NRG1: variants seen among roughly 807,000 people sequenced by gnomAD.
NRG1 encodes the protein neuregulin 1.
Under a neutral mutation model 63.8 loss-of-function variants are expected in NRG1, and 18 were observed. The observed-to-expected ratio is 0.28, with a 90% CI of 0.19 to 0.42. The LOEUF (loss-of-function observed/expected upper bound fraction) is 0.42, where lower values mean the gene tolerates loss of function less well. Ranked by LOEUF, NRG1 falls within the 10% of genes least tolerant of loss-of-function variation. The probability of loss-of-function intolerance (pLI) is 1.00; values close to 1 mark genes in which losing one functional copy is unlikely to be tolerated. For missense variants in NRG1, 762 were observed against 814.7 expected (o/e 0.94, Z 0.79); for synonymous variants, 302 against 301.3 (o/e 1.00, Z -0.02).
intron 1 of NRG1, among the ~76,000 whole-genome samples, chr8:32,509,129 G>T (rs1828887768): frequency 6.6e-6 from 1 of 150,938 alleles, no homozygotes; most frequent in Non-Finnish European, 1.5e-5. Flanking sequence ...TTGCGACAGG[G>T]TCTGGCTCTG....
chr8:32,482,903 G>C (rs1825481689), intron 1 of NRG1, among the ~76,000 whole-genome samples: 1 of 152,184 alleles, frequency 6.6e-6, no homozygotes, highest in African/African-American at 2.4e-5. Flanking sequence ...TTGATGTTAG[G>C]GAACAACCCC....
intron 1 of NRG1, among the ~76,000 whole-genome samples, chr8:32,029,839 C>A (rs1257231303): frequency 1.1e-5 from 1 of 89,422 alleles, no homozygotes; most frequent in Non-Finnish European, 2.7e-5. Flanking sequence ...ATTATGAATG[C>A]TGGTTTGTAA....
chr8:32,520,994 G>A (rs73579880), intron 1 of NRG1, among the ~76,000 whole-genome samples: 5,801 of 152,196 alleles, frequency 0.038, 151 homozygotes, highest in African/African-American at 0.074. Flanking sequence ...TAGCCCCAAA[G>A]TACAAGAGTA....
At chr8:32,595,894 G>C in exon 2 of NRG1, 4 of 1,613,662 alleles carry the variant, frequency 2.5e-6, no homozygotes, top group Non-Finnish European at 3.4e-6. Context: ...CTAGTCCTTC[G>C]GTGTGAAACC....
intron 1 of NRG1, among the ~76,000 whole-genome samples, chr8:32,021,948 C>T (rs569644442): frequency 6.6e-6 from 1 of 152,042 alleles, no homozygotes; most frequent in African/African-American, 2.4e-5. Flanking sequence ...CCATAGTTAT[C>T]AATGGCAATT....
At chr8:31,934,204 GT>G (rs1835097994) in intron 1 of NRG1, among the ~76,000 whole-genome samples, 1 of 152,046 alleles carries the variant, frequency 6.6e-6, no homozygotes, top group Admixed American at 6.5e-5. Flanking sequence ...TGTTGAATAA[GT>G]TGCAAAGTTG....
intron 1 of NRG1, among the ~76,000 whole-genome samples, chr8:31,981,455 A>G (rs909182097): frequency 1.8e-4 from 28 of 152,058 alleles, no homozygotes; most frequent in African/African-American, 6.5e-4. Flanking sequence ...ACAAAAACAA[A>G]GGAAACAACA....
intron 1 of NRG1, among the ~76,000 whole-genome samples, chr8:31,771,270 T>A (rs909151218): frequency 3.3e-5 from 5 of 152,340 alleles, no homozygotes; most frequent in Non-Finnish European, 7.3e-5. Flanking sequence ...ATTGACTTTT[T>A]TTCCCATTCA....
chr8:32,595,685 T>C (rs1843229374), intron 1 of NRG1, 143 bp from the exon 2 acceptor site: 2 of 601,174 alleles, frequency 3.3e-6, no homozygotes, highest in Non-Finnish European at 2.7e-6. Context: ...CCATTTTCGC[T>C]CATCCATTTT....
At chr8:31,708,486 C>T (rs1436375670) in intron 1 of NRG1, among the ~76,000 whole-genome samples, 1 of 148,370 alleles carries the variant, frequency 6.7e-6, no homozygotes, top group African/African-American at 2.5e-5. Context: ...CGCTCTGGCG[C>T]CCAGGCTGGA....
chr8:32,131,934 A>G (rs1834874369), intron 1 of NRG1, among the ~76,000 whole-genome samples: 1 of 152,080 alleles, frequency 6.6e-6, no homozygotes, highest in Non-Finnish European at 1.5e-5. Flanking sequence ...CTAGAAACAG[A>G]CAGACAAACA....
At chr8:32,180,624 A>G (rs542685540) in intron 1 of NRG1, among the ~76,000 whole-genome samples, 1 of 152,200 alleles carries the variant, frequency 6.6e-6, no homozygotes, top group South Asian at 2.1e-4. Context: ...GTTTAAAATT[A>G]TTTAAATTTT....
At chr8:32,374,522 T>A (rs1809362200) in intron 1 of NRG1, among the ~76,000 whole-genome samples, 1 of 152,192 alleles carries the variant, frequency 6.6e-6, no homozygotes, top group African/African-American at 2.4e-5. Context: ...ATGTTGACAA[T>A]TTAGGTGCCA....
At chr8:32,448,978 G>T (rs990037242) in intron 1 of NRG1, among the ~76,000 whole-genome samples, 2 of 152,096 alleles carry the variant, frequency 1.3e-5, no homozygotes, top group Admixed American at 1.3e-4. Context: ...AAAGAGTATG[G>T]AGGAAAGCGG....
chr8:32,232,879 C>T (rs1286749301), intron 1 of NRG1, among the ~76,000 whole-genome samples: 1 of 152,050 alleles, frequency 6.6e-6, no homozygotes, highest in Non-Finnish European at 1.5e-5. Context: ...GTTATCTATT[C>T]TCTTTATATA....
At chr8:32,318,530 A>G (rs1250679402) in intron 1 of NRG1, among the ~76,000 whole-genome samples, 2 of 152,156 alleles carry the variant, frequency 1.3e-5, no homozygotes, top group Non-Finnish European at 2.9e-5. Flanking sequence ...CCGAGCCTCA[A>G]CTAGAACCAG....
At chr8:32,540,801 A>G (rs1010395251) in intron 1 of NRG1, among the ~76,000 whole-genome samples, 1 of 152,194 alleles carries the variant, frequency 6.6e-6, no homozygotes, top group African/African-American at 2.4e-5. Context: ...GGTAGTTTCC[A>G]TCTTGCACCT....
rs558705877 is a variant in NRG1 at position 32,723,347 on chromosome 8, T to C, written c.503-4602T>C. On this transcript the variant is annotated intron_variant, in intron 5 of 11. Coordinates refer to ENST00000356819, the Ensembl canonical transcript of NRG1. ...CTTACAATTTTTAACCCCAGTGATTTTGGTTGTTATCATTATGTCTTGCAC... is the reference window on the plus strand; with the variant it reads ...CTTACAATTTTTAACCCCAGTGATTCTGGTTGTTATCATTATGTCTTGCAC... Among the ~76,000 whole-genome samples, 7 of 152,254 alleles carry C rather than the reference T, an allele frequency of 4.6e-5. No homozygotes were observed. The East Asian group carries it at 9.7e-4, about 21-fold the overall frequency.
intron 5 of NRG1, chr8:32,647,926 G>A (rs1402236535): frequency 1.2e-6 from 2 of 1,614,122 alleles, no homozygotes; most frequent in African/African-American, 1.3e-5. Flanking sequence ...CTGAGAGGTT[G>A]CCTCAACTCA....
Sources: gnomAD v4.1 joint callset for allele counts (sites outside exome capture counted in the v4.1 genomes callset) on GRCh38, gnomAD v4.1.1 for gene constraint, MANE v1.5 for transcripts, NCBI Gene and HGNC (gene_info 2026-07-23, HGNC 2026-07-21) for gene names.